Variants in PRRX1 observed in about 807,000 individuals in gnomAD.
PRRX1 encodes paired related homeobox 1, also known as paired mesoderm homeobox protein 1.
In PRRX1, 8 loss-of-function variants were observed where a neutral mutation model predicts 24.0. That is an observed-to-expected ratio of 0.33 (90% CI 0.20 to 0.60). The LOEUF (loss-of-function observed/expected upper bound fraction) is 0.60. Ranked by LOEUF, PRRX1 falls within the 20% of genes least tolerant of loss-of-function variation. The probability of loss-of-function intolerance (pLI) is 0.82; values close to 1 mark genes in which losing one functional copy is unlikely to be tolerated. For synonymous variants in PRRX1, 160 were observed against 131.7 expected (o/e 1.22, Z -1.47); for missense variants, 281 against 322.4 (o/e 0.87, Z 0.98).
chr1:170,692,904 A>G (rs776060849), intron 1 of PRRX1, among the ~76,000 whole-genome samples: 90 of 152,202 alleles, frequency 5.9e-4, no homozygotes, highest in South Asian at 5.6e-3. Context: ...ACTTGGCCTA[A>G]TCCTATATAT....
chr1:170,687,340 A>G (rs1421678777), intron 1 of PRRX1, among the ~76,000 whole-genome samples: 3 of 152,204 alleles, frequency 2.0e-5, no homozygotes, highest in Admixed American at 2.0e-4. Flanking sequence ...CTCTTGGCCT[A>G]CAAGTCTCCT....
Position 170,734,663 on chromosome 1 carries a change from G to GCACA in PRRX1, c.600-1372_600-1369dup, listed in dbSNP as rs1196863313. On this transcript the variant is annotated intron_variant, in intron 3 of 3. Transcript: ENST00000239461. ...TGTCAGAACACATACATGTATGTGT[G>GCACA]CACACACACACACACAGTCACCCAT... 3.0e-3 allele frequency among the ~76,000 whole-genome samples: 441 copies of GCACA among 148,330 alleles called. 4 individuals are homozygous for GCACA. Among genetic ancestry groups the GCACA allele is most frequent in the African/African-American group, 9.9e-3 (405 of 41,034 alleles).
Position 170,736,903 on chromosome 1 carries a change from ATATCAC to A in PRRX1, c.*724_*729del, listed in dbSNP as rs1322414659. 1 of 199,190 alleles carries A rather than the reference ATATCAC, an allele frequency of 5.0e-6. No homozygotes were observed. The highest frequency in any genetic ancestry group is 1.0e-5 in the Non-Finnish European group (1 of 95,948). 12.3% of individuals were successfully genotyped at this position (199,190 alleles called of 1,614,324 possible). On this transcript the variant is annotated 3_prime_UTR_variant, in exon 4 of 4. Transcript: ENST00000239461. Reference sequence around the variant, plus strand: ...AGATTTAAGCTTGAAGCTACAGATTATATCACTATCACCACCACCCCTCACCCTATG... The same window carrying A: ...AGATTTAAGCTTGAAGCTACAGATTATATCACCACCACCCCTCACCCTATG...
At chr1:170,681,840 T>C (rs1653556393) in intron 1 of PRRX1, among the ~76,000 whole-genome samples, 1 of 152,244 alleles carries the variant, frequency 6.6e-6, no homozygotes, top group Admixed American at 6.5e-5. Context: ...TCACCTAATA[T>C]TGAATTGTAA....
chr1:170,682,405 G>A (rs190437480), intron 1 of PRRX1, among the ~76,000 whole-genome samples: 9 of 110,762 alleles, frequency 8.1e-5, no homozygotes, highest in Non-Finnish European at 1.5e-4. Context: ...AGAGTTCCCC[G>A]TAAGGAAGAT....
chr1:170,683,016 T>C (rs2101892870), intron 1 of PRRX1, among the ~76,000 whole-genome samples: 1 of 152,276 alleles, frequency 6.6e-6, no homozygotes, highest in African/African-American at 2.4e-5. Context: ...GATGGGACTT[T>C]GAGAGATGAC....
At chr1:170,723,042 A>G (rs1655138537) in intron 2 of PRRX1, among the ~76,000 whole-genome samples, 1 of 152,200 alleles carries the variant, frequency 6.6e-6, no homozygotes, top group African/African-American at 2.4e-5. Flanking sequence ...CCTTAGTTCT[A>G]TGGTTAAGAA....
intron 1 of PRRX1, among the ~76,000 whole-genome samples, chr1:170,684,488 C>T (rs1372088444): frequency 2.0e-5 from 3 of 152,206 alleles, no homozygotes; most frequent in South Asian, 2.1e-4. Flanking sequence ...CGGGATGGCT[C>T]ATGCCTGTAA....
intron 3 of PRRX1, chr1:170,730,380 C>T (rs1332766637): frequency 1.3e-6 from 2 of 1,557,630 alleles, no homozygotes; most frequent in South Asian, 1.1e-5. Context: ...AGGGTGGCTG[C>T]TTGGGGTAGG....
chr1:170,695,573 C>T (rs1292131970), intron 1 of PRRX1, among the ~76,000 whole-genome samples: 1 of 152,126 alleles, frequency 6.6e-6, no homozygotes, highest in Admixed American at 6.6e-5. Flanking sequence ...AGAGTATTTT[C>T]TTCTTCAGAA....
At position 170,677,170 on chromosome 1, in the gene PRRX1, T is replaced by C. The variant is rs1427582486; in HGVS notation, c.241+12711T>C. Among the ~76,000 whole-genome samples the C allele has an allele frequency of 4.6e-5, 7 of 152,352 alleles. No individual in the cohort carries two copies. In the East Asian group the frequency reaches 1.3e-3, roughly 29 times the overall value. On this transcript the variant is annotated intron_variant, in intron 1 of 3. Transcript: ENST00000239461. Reference sequence around the variant, plus strand: ...TTAGGAGTCTTCATGTGTTTTATGTTGGATTCAGAAAATTCTGTGTTAAAT... The same window carrying C: ...TTAGGAGTCTTCATGTGTTTTATGTCGGATTCAGAAAATTCTGTGTTAAAT...
At position 170,731,027 on chromosome 1, in the gene PRRX1, T is replaced by A. The variant is rs188845238; in HGVS notation, c.599+4626T>A. Among the ~76,000 whole-genome samples the A allele has an allele frequency of 2.6e-5, 4 of 152,328 alleles. No individual in the cohort carries two copies. The East Asian group carries it at 7.7e-4, about 29-fold the overall frequency. ...AAAGCTTACCAATGAAATGTGCAAG[T>A]GTGTTCACTTTAAGAGATAAATATA... is the stretch of plus-strand genomic sequence containing the variant. On this transcript the variant is annotated intron_variant, in intron 3 of 3. Transcript: ENST00000239461.
intron 1 of PRRX1, among the ~76,000 whole-genome samples, chr1:170,696,968 G>A (rs1450956694): frequency 1.3e-5 from 2 of 152,152 alleles, no homozygotes. Context: ...AAACTCCTGT[G>A]ATTTTTGGAG....
chr1:170,664,239 C>G lies in PRRX1; in HGVS notation c.21C>G (p.His7Gln). The G allele has an allele frequency of 1.9e-6, 3 of 1,611,778 alleles. No individual in the cohort carries two copies. The highest frequency in any genetic ancestry group is 2.5e-6 in the Non-Finnish European group (3 of 1,179,314). MTSSYG[H>Q]VLERQPALGG... ...AGACCATGACCTCCAGCTACGGGCACGTTCTGGAGCGGCAACCGGCGCTGG... is the reference window on the plus strand; with the variant it reads ...AGACCATGACCTCCAGCTACGGGCAGGTTCTGGAGCGGCAACCGGCGCTGG... Residue 7 changes from histidine (H) to glutamine (Q), a missense_variant, in exon 1 of 4, where the codon CAC becomes CAG. Physicochemically the swap from His to Gln is conservative, Grantham distance 24. Transcript: ENST00000239461.
intron 1 of PRRX1, among the ~76,000 whole-genome samples, chr1:170,718,547 G>T (rs1287334795): frequency 6.6e-6 from 1 of 152,170 alleles, no homozygotes; most frequent in Non-Finnish European, 1.5e-5. Flanking sequence ...ATAGTGAATG[G>T]CCAAGCTCTC....
At chr1:170,705,012 A>G (rs757116450) in intron 1 of PRRX1, among the ~76,000 whole-genome samples, 1 of 152,208 alleles carries the variant, frequency 6.6e-6, no homozygotes, top group Non-Finnish European at 1.5e-5. Context: ...AAAGAGTTCC[A>G]AAGGCACACA....
At position 170,664,357 on chromosome 1, in the gene PRRX1, G is replaced by A. The variant is rs1464830991; in HGVS notation, c.139G>A (p.Asp47Asn). ...CCTGCTAGACCTGGAGGAAGCCGGGGACATGGTGGCGGCACAGGCGGATGA... is the reference window on the plus strand; with the variant it reads ...CCTGCTAGACCTGGAGGAAGCCGGGAACATGGTGGCGGCACAGGCGGATGA... ...SHLLDLEEAG[D>N]MVAAQADENV... is the part of the protein sequence containing the mutation. Residue 47 changes from aspartate (D) to asparagine (N), a missense_variant, in exon 1 of 4, where the codon GAC becomes AAC. By Grantham distance (23) the Asp-to-Asn change is conservative. Coordinates refer to ENST00000239461, the MANE Select transcript of PRRX1 (RefSeq NM_022716.4). The A allele has an allele frequency of 1.2e-6, 2 of 1,613,992 alleles. 1 individual carries two copies. The highest frequency in any genetic ancestry group is 3.3e-5 in the Admixed American group (2 of 60,010).
intron 1 of PRRX1, among the ~76,000 whole-genome samples, chr1:170,686,440 C>T (rs184822587): frequency 3.9e-4 from 60 of 152,258 alleles, no homozygotes; most frequent in African/African-American, 1.0e-3. Context: ...CCATAGTTTT[C>T]AGCAAGGTCA....
Position 170,730,535 on chromosome 1 carries a change from A to T in PRRX1, c.599+4134A>T, listed in dbSNP as rs1655403573. On this transcript the variant is annotated intron_variant, in intron 3 of 3. Transcript: ENST00000239461. ...CTAAATGAAGCATAGTGTGATACTA[A>T]TCTAGAGCAGGGCTCTTCAGAGATT... 3 of 581,242 alleles carry T rather than the reference A, an allele frequency of 5.2e-6. No homozygotes were observed. In the Admixed American group the frequency reaches 8.9e-5, roughly 17 times the overall value. The allele number at this position is 581,242 out of a possible 1,614,324, so 36.0% of individuals were successfully genotyped here.
Sources: gnomAD v4.1 joint callset for allele counts (sites outside exome capture counted in the v4.1 genomes callset) on GRCh38, gnomAD v4.1.1 for gene constraint, MANE v1.5 for transcripts, NCBI Gene and HGNC (gene_info 2026-07-23, HGNC 2026-07-21) for gene names.